The following EXD3 variants were observed in gnomAD, a reference collection of about 807,000 sequenced individuals.
EXD3 encodes exonuclease 3'-5' domain containing 3.
Under a neutral mutation model 98.0 loss-of-function variants are expected in EXD3, and 92 were observed. That is an observed-to-expected ratio of 0.94 (90% CI 0.79 to 1.12). The LOEUF (loss-of-function observed/expected upper bound fraction) is 1.12, where lower values mean the gene tolerates loss of function less well. Among genes scored for constraint, EXD3 ranks in the 50% most tolerant of loss-of-function variants. The probability of loss-of-function intolerance (pLI) is 0.00; values close to 1 mark genes in which losing one functional copy is unlikely to be tolerated. For missense variants in EXD3, 1,222 were observed against 1,191.6 expected (o/e 1.03, Z -0.38); for synonymous variants, 569 against 526.0 (o/e 1.08, Z -1.12).
chr9:137,391,024 G>T (rs1343092230), intron 2 of EXD3, among the ~76,000 whole-genome samples: 1 of 152,232 alleles, frequency 6.6e-6, no homozygotes, highest in Non-Finnish European at 1.5e-5. Flanking sequence ...ACCTCTGGGG[G>T]ACCCATGGTG....
intron 5 of EXD3, 71 bp from the exon 6 acceptor site, chr9:137,368,060 T>C (rs973498764): frequency 4.6e-5 from 60 of 1,295,800 alleles, no homozygotes; most frequent in Admixed American, 9.6e-5. Context: ...GTGAGGGGGC[T>C]ACCACCCTTT....
chr9:137,379,892 C>T (rs1399504305), intron 3 of EXD3, among the ~76,000 whole-genome samples: 1 of 152,070 alleles, frequency 6.6e-6, no homozygotes, highest in East Asian at 1.9e-4. Context: ...GTCCTCCCCT[C>T]CAGGCCCCCA....
intron 1 of EXD3, among the ~76,000 whole-genome samples, chr9:137,417,169 G>A (rs544855916): frequency 1.3e-5 from 2 of 152,340 alleles, no homozygotes; most frequent in South Asian, 4.1e-4. Context: ...GACGCCGGGG[G>A]AGAAGTCAGG....
At chr9:137,340,889 T>C (rs1285849298) in intron 17 of EXD3, among the ~76,000 whole-genome samples, 1 of 152,162 alleles carries the variant, frequency 6.6e-6, no homozygotes, top group African/African-American at 2.4e-5. Flanking sequence ...CAACACTGAA[T>C]TGGTGAGTTG....
chr9:137,397,346 G>A (rs868163316), intron 1 of EXD3, among the ~76,000 whole-genome samples: 10 of 152,266 alleles, frequency 6.6e-5, no homozygotes, highest in Middle Eastern at 3.4e-3. Context: ...TAGGCTCTCC[G>A]AAGAGCCCCT....
intron 3 of EXD3, among the ~76,000 whole-genome samples, chr9:137,378,699 A>G (rs73583528): frequency 0.023 from 3,519 of 152,324 alleles, 131 homozygotes; most frequent in African/African-American, 0.079. Flanking sequence ...AGACATCCAC[A>G]TAGACAAGCC....
chr9:137,410,266 C>T (rs1837929811), intron 1 of EXD3, among the ~76,000 whole-genome samples: 1 of 151,992 alleles, frequency 6.6e-6, no homozygotes, highest in Non-Finnish European at 1.5e-5. Flanking sequence ...GGGCAGATCA[C>T]TTGAGGCCAG....
At chr9:137,416,416 GCAGCTTCTGCA>G (rs1588445589) in intron 1 of EXD3, among the ~76,000 whole-genome samples, 6 of 152,160 alleles carry the variant, frequency 3.9e-5, no homozygotes, top group Admixed American at 3.9e-4. Flanking sequence ...ACACTCCACC[GCAGCTTCTGCA>G]CAGCCAGGGA....
At chr9:137,377,992 G>A (rs950012286) in intron 3 of EXD3, among the ~76,000 whole-genome samples, 4 of 151,072 alleles carry the variant, frequency 2.6e-5, no homozygotes, top group South Asian at 2.1e-4. Flanking sequence ...ATAGGGTTTC[G>A]CTATGTTGGC....
intron 2 of EXD3, among the ~76,000 whole-genome samples, chr9:137,388,209 C>CT (rs1329888220): frequency 6.6e-6 from 1 of 152,248 alleles, no homozygotes; most frequent in East Asian, 1.9e-4. Context: ...TGGCTTCCCC[C>CT]CCAGCCACCC....
Position 137,366,512 on chromosome 9 carries a change from C to T in EXD3, c.637G>A (p.Asp213Asn), listed in dbSNP as rs969270111. Residue 213 changes from aspartate (D) to asparagine (N), a missense_variant, in exon 7 of 22, where the codon GAC becomes AAC. By Grantham distance (23) the Asp-to-Asn change is conservative. Coordinates refer to ENST00000340951, the MANE Select transcript of EXD3 (RefSeq NM_017820.5). ...ACTCACCTGGCAACGTCCTTGATGTCAAAGCCGGGCTGGCACCAGGAATCC... is the reference window on the plus strand; with the variant it reads ...ACTCACCTGGCAACGTCCTTGATGTTAAAGCCGGGCTGGCACCAGGAATCC... ...LMDSWCQPGF[D>N]IKDVARRYPE... is the part of the protein sequence containing the mutation. 1.9e-6 allele frequency: 3 copies of T among 1,550,764 alleles called. No homozygotes were observed. In the Admixed American group the frequency reaches 5.9e-5, roughly 30 times the overall value.
At chr9:137,363,692 G>T (rs1835095380) in intron 7 of EXD3, among the ~76,000 whole-genome samples, 1 of 151,930 alleles carries the variant, frequency 6.6e-6, no homozygotes, top group African/African-American at 2.4e-5. Flanking sequence ...AAACCATCTG[G>T]GTTCTAATAA....
At chr9:137,413,151 G>A (rs1838078534) in intron 1 of EXD3, among the ~76,000 whole-genome samples, 2 of 151,860 alleles carry the variant, frequency 1.3e-5, no homozygotes, top group African/African-American at 4.8e-5. Flanking sequence ...GTTACAACTC[G>A]GTGTTTTCAA....
chr9:137,353,814 C>G (rs536222792), intron 10 of EXD3: 10 of 986,198 alleles, frequency 1.0e-5, no homozygotes, highest in African/African-American at 1.7e-5. Context: ...TCCCACCCCA[C>G]GGCCTCGAGG....
chr9:137,404,134 C>T (rs1460490737), intron 1 of EXD3, among the ~76,000 whole-genome samples: 1 of 152,190 alleles, frequency 6.6e-6, no homozygotes, highest in East Asian at 1.9e-4. Context: ...TGACACCAGT[C>T]CTACTGGATT....
chr9:137,351,212 A>G, intron 13 of EXD3, 65 bp from the exon 14 acceptor site: 1 of 1,534,108 alleles, frequency 6.5e-7, no homozygotes, highest in Non-Finnish European at 8.8e-7. Flanking sequence ...CCCTGACCCC[A>G]GGGTGCACCC....
At position 137,395,087 on chromosome 9, in the gene EXD3, C is replaced by T. The variant is rs562610104; in HGVS notation, c.55+216G>A. ...CCACCCACGCTGGGGCCCAAGGAGG[C>T]GGCCTGTCCTGACCCCCGAGGACAA... On this transcript the variant is annotated intron_variant, in intron 2 of 21. Coordinates refer to ENST00000340951, the MANE Select transcript of EXD3 (RefSeq NM_017820.5). This position sits in a 1 kb window ranked among gnomAD's most constrained non-coding sequence, Gnocchi z 6.5. 1.2e-4 allele frequency among the ~76,000 whole-genome samples: 18 copies of T among 152,244 alleles called. No homozygotes were observed. Among genetic ancestry groups the T allele is most frequent in the African/African-American group, 3.1e-4 (13 of 41,546 alleles).
chr9:137,405,172 C>CCCGCACAT lies in EXD3; in HGVS notation c.-47-9776_-47-9769dup, dbSNP rs1276541484. ...GTGTCCAAAGACCCTACTTGGGAGC[C>CCCGCACAT]CCGCACATCCGCACATCCCACCCTT... On this transcript the variant is annotated intron_variant, in intron 1 of 21. Transcript: ENST00000340951. The surrounding 1 kb of genome is among the most constrained non-coding windows in gnomAD (Gnocchi z 4.1). Among the ~76,000 whole-genome samples the CCCGCACAT allele has an allele frequency of 8.5e-5, 13 of 152,336 alleles. No individual in the cohort carries two copies. Among genetic ancestry groups the CCCGCACAT allele is most frequent in the South Asian group, 6.2e-4 (3 of 4,830 alleles).
chr9:137,355,534 AG>A (rs1170390042), intron 8 of EXD3, among the ~76,000 whole-genome samples: 3 of 82,040 alleles, frequency 3.7e-5, no homozygotes, highest in African/African-American at 1.1e-4. Flanking sequence ...GGATGGAGGA[AG>A]GAGGAAGGAG....
Sources: gnomAD v4.1 joint callset for allele counts (sites outside exome capture counted in the v4.1 genomes callset) on GRCh38, gnomAD v4.1.1 for gene constraint, Gnocchi (gnomAD v3.1) non-coding constraint, MANE v1.5 for transcripts, NCBI Gene and HGNC (gene_info 2026-07-23, HGNC 2026-07-21) for gene names.